The following MIR2052HG variants were observed in gnomAD, a reference collection of about 807,000 sequenced individuals.
MIR2052HG encodes the protein MIR2052 host gene.
rs549223735 is a variant in MIR2052HG at position 74,626,435 on chromosome 8, T to C, written n.216+13495T>C. Among the ~76,000 whole-genome samples, 7 of 152,316 alleles carry C rather than the reference T, an allele frequency of 4.6e-5. No homozygotes were observed. The East Asian group carries it at 1.4e-3, about 29-fold the overall frequency. Reference sequence around the variant, plus strand: ...GCCATTTCTTTCTTATAACTAGTAGTACCTTCTCTGTGGATGGAAGTAAGA... The same window carrying C: ...GCCATTTCTTTCTTATAACTAGTAGCACCTTCTCTGTGGATGGAAGTAAGA... On this transcript the variant is annotated intron_variant and non_coding_transcript_variant, in intron 2 of 6. Coordinates refer to ENST00000523442, the Ensembl canonical transcript of MIR2052HG.
chr8:74,751,193 G>A (rs1809943432), intron 4 of MIR2052HG, among the ~76,000 whole-genome samples: 1 of 152,138 alleles, frequency 6.6e-6, no homozygotes, highest in South Asian at 2.1e-4. Context: ...GCTTGAACGT[G>A]GTAACAGTCT....
At chr8:74,606,958 G>A (rs1376844017) in intron 1 of MIR2052HG, among the ~76,000 whole-genome samples, 1 of 151,698 alleles carries the variant, frequency 6.6e-6, no homozygotes, top group Non-Finnish European at 1.5e-5. Context: ...AGGCAAAAAA[G>A]GACAAATTGA....
chr8:74,619,029 A>G (rs1015436019), intron 2 of MIR2052HG, among the ~76,000 whole-genome samples: 3 of 152,220 alleles, frequency 2.0e-5, no homozygotes, highest in Admixed American at 6.5e-5. Context: ...AATCCCATTT[A>G]GAACAGCTAC....
At chr8:74,718,916 T>C (rs1036866239) in intron 4 of MIR2052HG, among the ~76,000 whole-genome samples, 5 of 152,158 alleles carry the variant, frequency 3.3e-5, no homozygotes, top group Non-Finnish European at 7.3e-5. Context: ...AATTTTAACG[T>C]ATTAATTTTG....
chr8:74,730,458 G>C (rs1809680061), intron 4 of MIR2052HG, among the ~76,000 whole-genome samples: 1 of 152,266 alleles, frequency 6.6e-6, no homozygotes, highest in South Asian at 2.1e-4. Context: ...CACAGACATT[G>C]AACATGGAGT....
intron 4 of MIR2052HG, among the ~76,000 whole-genome samples, chr8:74,721,645 G>A (rs981434793): frequency 6.6e-6 from 1 of 152,206 alleles, no homozygotes; most frequent in Admixed American, 6.5e-5. Context: ...CCTGAAAGCT[G>A]CATTCCAAGA....
At chr8:74,745,711 GCT>G (rs1314001885) in intron 4 of MIR2052HG, among the ~76,000 whole-genome samples, 4 of 152,176 alleles carry the variant, frequency 2.6e-5, no homozygotes, top group African/African-American at 9.7e-5. Context: ...TATGTGGATG[GCT>G]ACAGCTATTC....
intron 2 of MIR2052HG, among the ~76,000 whole-genome samples, chr8:74,663,328 C>T (rs1808887397): frequency 6.6e-6 from 1 of 152,098 alleles, no homozygotes; most frequent in African/African-American, 2.4e-5. Flanking sequence ...ATATACATGC[C>T]AGGGAGATTA....
chr8:74,602,699 C>T (rs148661427), intron 1 of MIR2052HG, among the ~76,000 whole-genome samples: 2,406 of 151,336 alleles, frequency 0.016, 22 homozygotes, highest in Non-Finnish European at 0.02. Context: ...TTTTTTTAAG[C>T]AGAGACGGAG....
chr8:74,610,842 T>C (rs1808184180), intron 1 of MIR2052HG, among the ~76,000 whole-genome samples: 1 of 151,866 alleles, frequency 6.6e-6, no homozygotes, highest in African/African-American at 2.4e-5. Flanking sequence ...TATACAAAAA[T>C]GAATTCAAAA....
intron 2 of MIR2052HG, among the ~76,000 whole-genome samples, chr8:74,628,582 C>T (rs953342100): frequency 2.6e-5 from 4 of 152,112 alleles, no homozygotes; most frequent in East Asian, 1.9e-4. Flanking sequence ...ATTTTGAGGG[C>T]GACTTCTGAT....
At chr8:74,725,217 C>T (rs1225991296) in intron 4 of MIR2052HG, among the ~76,000 whole-genome samples, 1 of 152,218 alleles carries the variant, frequency 6.6e-6, no homozygotes, top group Non-Finnish European at 1.5e-5. Context: ...TGCAGAGCTG[C>T]ACTGTCCTAT....
Position 74,720,676 on chromosome 8 carries a change from A to G in MIR2052HG, n.371+16994A>G, listed in dbSNP as rs140282788. On this transcript the variant is annotated intron_variant and non_coding_transcript_variant, in intron 4 of 6. Coordinates refer to ENST00000523442, the Ensembl canonical transcript of MIR2052HG. Reference sequence around the variant, plus strand: ...CTAGAGCCTTGCCTTGAATAGTGGTATATTAATCCATTTTCATACTGCTAT... The same window carrying G: ...CTAGAGCCTTGCCTTGAATAGTGGTGTATTAATCCATTTTCATACTGCTAT... Among the ~76,000 whole-genome samples the G allele has an allele frequency of 6.6e-5, 10 of 152,244 alleles. No homozygotes were observed. The East Asian group carries it at 1.9e-3, about 29-fold the overall frequency.
intron 1 of MIR2052HG, among the ~76,000 whole-genome samples, chr8:74,611,537 C>A (rs1428244140): frequency 6.6e-6 from 1 of 152,036 alleles, no homozygotes; most frequent in African/African-American, 2.4e-5. Context: ...GTTAACATCC[C>A]CTGCTGTAAT....
chr8:74,603,206 C>T (rs187018023), intron 1 of MIR2052HG: 10 of 1,045,456 alleles, frequency 9.6e-6, no homozygotes, highest in South Asian at 2.6e-5. Context: ...AACCTGAAAT[C>T]GCTGACTGTT....
intron 2 of MIR2052HG, among the ~76,000 whole-genome samples, chr8:74,682,130 A>T (rs1287428719): frequency 6.6e-6 from 1 of 152,172 alleles, no homozygotes; most frequent in African/African-American, 2.4e-5. Flanking sequence ...ATCATGTTGT[A>T]CACCTGAAAT....
intron 4 of MIR2052HG, among the ~76,000 whole-genome samples, chr8:74,744,715 C>T (rs1809866746): frequency 6.6e-6 from 1 of 152,070 alleles, no homozygotes; most frequent in Admixed American, 6.6e-5. Flanking sequence ...TTTCTTAATC[C>T]AGTCTATCAT....
At chr8:74,644,327 A>G (rs1808669458) in intron 2 of MIR2052HG, among the ~76,000 whole-genome samples, 1 of 152,212 alleles carries the variant, frequency 6.6e-6, no homozygotes, top group South Asian at 2.1e-4. Flanking sequence ...GTTTGGATAC[A>G]CAGATACTTA....
chr8:74,625,056 A>G (rs1188568817), intron 2 of MIR2052HG, among the ~76,000 whole-genome samples: 2 of 151,920 alleles, frequency 1.3e-5, no homozygotes, highest in African/African-American at 4.8e-5. Flanking sequence ...CTGTTATGGA[A>G]CCTGAATACC....
Sources: allele counts gnomAD v4.1 joint callset (sites outside exome capture counted in the v4.1 genomes callset), GRCh38; gene constraint gnomAD v4.1.1; transcripts MANE v1.5; gene names NCBI Gene and HGNC (gene_info 2026-07-23, HGNC 2026-07-21).